EXD3: variants seen among roughly 807,000 people sequenced by gnomAD.
EXD3 encodes exonuclease mut-7 homolog.
Under a neutral mutation model 98.0 loss-of-function variants are expected in EXD3, and 92 were observed. The observed-to-expected ratio is 0.94, with a 90% CI of 0.79 to 1.12. EXD3 has a LOEUF of 1.12. Ranked by LOEUF, EXD3 falls within the 50% of genes most tolerant of loss-of-function variation. The pLI is 0.00. For missense variants in EXD3, 1,222 were observed against 1,191.6 expected (o/e 1.03, Z -0.38); for synonymous variants, 569 against 526.0 (o/e 1.08, Z -1.12).
intron 10 of EXD3, 163 bp downstream of exon 10, chr9:137,354,176 C>T (rs113394066): frequency 6.9e-7 from 1 of 1,451,666 alleles, no homozygotes; most frequent in East Asian, 2.5e-5. Flanking sequence ...CCTGAGGACC[C>T]TACACCCGCC....
chr9:137,370,996 G>A (rs948015180), intron 5 of EXD3, among the ~76,000 whole-genome samples: 1 of 152,154 alleles, frequency 6.6e-6, no homozygotes, highest in African/African-American at 2.4e-5. Flanking sequence ...GGCCTCTTTC[G>A]GCCGGGCGCG....
chr9:137,333,994 C>G (rs1347254466), intron 17 of EXD3, among the ~76,000 whole-genome samples: 2 of 151,792 alleles, frequency 1.3e-5, no homozygotes, highest in Non-Finnish European at 2.9e-5. Context: ...AGGCGCCCAC[C>G]ACCAAGCCCA....
At chr9:137,365,818 A>G in intron 7 of EXD3, 1 of 347,588 alleles carries the variant, frequency 2.9e-6, no homozygotes, top group South Asian at 2.2e-5. Flanking sequence ...TACACATCAT[A>G]TGCACGCAGA....
At chr9:137,327,791 T>C (rs57837700) in intron 17 of EXD3, among the ~76,000 whole-genome samples, 9 of 354 alleles carry the variant, frequency 0.025, no homozygotes, top group Admixed American at 0.05. Context: ...ACAACAAATA[T>C]ACACCCACAT....
At position 137,352,725 on chromosome 9, in the gene EXD3, CTG is replaced by C; in HGVS notation, c.930_931del (p.His310GlnfsTer2). 6.4e-7 allele frequency: 1 copy of C among 1,573,574 alleles called. No homozygotes were observed. On this transcript the variant is annotated frameshift_variant, in exon 11 of 22. Coordinates refer to ENST00000340951, the MANE Select transcript of EXD3 (RefSeq NM_017820.5). LOFTEE classifies it high-confidence loss of function. Reference sequence around the variant, plus strand: ...ACACTGGGCGGCCGTGACTGGGTCACTGTGGGAGACCAGCAGCTGAGACAGCT... The same window carrying C: ...ACACTGGGCGGCCGTGACTGGGTCACTGGGAGACCAGCAGCTGAGACAGCT...
rs1836522762 is a variant in EXD3, at chr9:137,385,166, C to CCTGGCCT, written c.56-1790_56-1789insAGGCCAG. Among the ~76,000 whole-genome samples the CCTGGCCT allele has an allele frequency of 6.6e-6, 1 of 152,224 alleles. No homozygotes were observed. The highest frequency in any genetic ancestry group is 2.4e-5 in the African/African-American group (1 of 41,476). ...CATGGCGTCTCTGCAGCCACCTGGG[C>CCTGGCCT]CTGGGTGGCACAGGCCAGTGTTCCC... On this transcript the variant is annotated intron_variant, in intron 2 of 21. Transcript: ENST00000340951. The surrounding 1 kb of genome is among the most constrained non-coding windows in gnomAD (Gnocchi z 4.4).
intron 10 of EXD3, chr9:137,353,330 C>T (rs893973592): frequency 1.1e-4 from 107 of 985,280 alleles, no homozygotes; most frequent in Non-Finnish European, 1.3e-4. Flanking sequence ...CAGGCATCTG[C>T]CCCCACCCCG....
At chr9:137,355,464 A>C (rs1412869231) in intron 8 of EXD3, among the ~76,000 whole-genome samples, 121 of 27,898 alleles carry the variant, frequency 4.3e-3, no homozygotes, top group African/African-American at 0.017. Context: ...GGAAGGAGAA[A>C]GGAGGAAGGA....
At chr9:137,309,738 T>G in intron 19 of EXD3, 38 bp from the exon 20 acceptor site, 5 of 1,492,038 alleles carry the variant, frequency 3.4e-6, no homozygotes, top group Non-Finnish European at 4.6e-6. Flanking sequence ...CAGGCGGGGC[T>G]TCTCCGGGTG....
At chr9:137,369,462 A>G (rs370512496) in intron 5 of EXD3, among the ~76,000 whole-genome samples, 9 of 152,164 alleles carry the variant, frequency 5.9e-5, no homozygotes, top group African/African-American at 2.2e-4. Flanking sequence ...GCATGTGGTT[A>G]TTGTCAGGTG....
In EXD3 at chr9:137,349,133, A is replaced by T. The variant is rs768801854; in HGVS notation, c.1807T>A (p.Ser603Thr). 2.1e-5 allele frequency: 33 copies of T among 1,599,114 alleles called. 1 individual carries two copies. In the East Asian group the frequency reaches 6.9e-4, roughly 34 times the overall value. Residue 603 changes from serine (S) to threonine (T), a missense_variant, in exon 16 of 22, where the codon TCA becomes ACA. Coordinates refer to ENST00000340951, the MANE Select transcript of EXD3 (RefSeq NM_017820.5). This position sits in a 1 kb window ranked among gnomAD's most constrained non-coding sequence, Gnocchi z 7.4. Reference protein sequence around the residue: ...ARKPPGLQKASAPAAPRQVPV... With the variant: ...ARKPPGLQKATAPAAPRQVPV... ...ACCTGCCTGGGTGCGGCCGGTGCTG[A>T]CGCTTTCTGCAGGCCGGGTGGCTTC...
chr9:137,365,477 T>A (rs1316355560), intron 7 of EXD3: 1 of 154,468 alleles, frequency 6.5e-6, no homozygotes, highest in Non-Finnish European at 1.4e-5. Flanking sequence ...CCAGATGTCA[T>A]CCCTCATATC....
At chr9:137,376,152 G>T (rs1288332257) in intron 3 of EXD3, among the ~76,000 whole-genome samples, 1 of 151,810 alleles carries the variant, frequency 6.6e-6, no homozygotes, top group Non-Finnish European at 1.5e-5. Flanking sequence ...AGACCAGCCT[G>T]GCTAACACAG....
At chr9:137,310,792 C>T (rs1027475897) in intron 19 of EXD3, among the ~76,000 whole-genome samples, 2 of 152,200 alleles carry the variant, frequency 1.3e-5, no homozygotes, top group Non-Finnish European at 2.9e-5. Flanking sequence ...GTGGCCTTCC[C>T]GTCACAGCCC....
At position 137,366,651 on chromosome 9, in the gene EXD3, T is replaced by C; in HGVS notation, c.517-19A>G. On this transcript the variant is annotated intron_variant, in intron 6 of 21. Coordinates refer to ENST00000340951, the MANE Select transcript of EXD3 (RefSeq NM_017820.5). ...TGCTCATCTGCAGGGGGACACACGG[T>C]CAGGCCACAGCCTCCGCCACCTCAG... The C allele has an allele frequency of 6.4e-7, 1 of 1,552,860 alleles. No individual in the cohort carries two copies. Among genetic ancestry groups the C allele is most frequent in the East Asian group, 2.4e-5 (1 of 41,384 alleles).
chr9:137,390,069 C>A (rs1191793165), intron 2 of EXD3, among the ~76,000 whole-genome samples: 1 of 125,692 alleles, frequency 8.0e-6, no homozygotes, highest in Non-Finnish European at 1.6e-5. Context: ...TTGCAGTGAG[C>A]CAAGGTTGCG....
rs1426611894 is a variant in EXD3, at chr9:137,324,676, A to G, written c.1999-533T>C. Among the ~76,000 whole-genome samples the G allele has an allele frequency of 6.6e-6, 1 of 152,160 alleles. No homozygotes were observed. Among genetic ancestry groups the G allele is most frequent in the Non-Finnish European group, 1.5e-5 (1 of 68,022 alleles). On this transcript the variant is annotated intron_variant, in intron 17 of 21. Transcript: ENST00000340951. This position sits in a 1 kb window ranked among gnomAD's most constrained non-coding sequence, Gnocchi z 4.1. ...TGAGAGTTTTCAGCTGACAAAGGAGATACAAAATTAAAATTAAGGATTTTT... is the reference window on the plus strand; with the variant it reads ...TGAGAGTTTTCAGCTGACAAAGGAGGTACAAAATTAAAATTAAGGATTTTT...
intron 6 of EXD3, 143 bp from the exon 7 acceptor site, chr9:137,366,775 G>C: frequency 9.4e-7 from 1 of 1,065,544 alleles, no homozygotes; most frequent in Non-Finnish European, 1.3e-6. Context: ...CGCCCGGCCA[G>C]TGCTCACGCT....
chr9:137,409,363 T>G (rs1405884369), intron 1 of EXD3, among the ~76,000 whole-genome samples: 1 of 152,262 alleles, frequency 6.6e-6, no homozygotes, highest in Non-Finnish European at 1.5e-5. Flanking sequence ...CCTCCAGAGC[T>G]GTAAGAAATA....
Sources: allele counts gnomAD v4.1 joint callset (sites outside exome capture counted in the v4.1 genomes callset), GRCh38; gene constraint gnomAD v4.1.1; non-coding constraint Gnocchi (gnomAD v3.1); transcripts MANE v1.5; gene names NCBI Gene and HGNC (gene_info 2026-07-23, HGNC 2026-07-21).